The following DNAJC1 variants were observed in gnomAD, a reference collection of about 807,000 sequenced individuals.
DNAJC1 encodes the protein dnaJ homolog subfamily C member 1.
A neutral mutation model predicts 76.6 loss-of-function variants in DNAJC1; 58 were observed. That is an observed-to-expected ratio of 0.76 (90% CI 0.61 to 0.94). DNAJC1 has a LOEUF of 0.94. Ranked by LOEUF, DNAJC1 falls within the 40% of genes least tolerant of loss-of-function variation. DNAJC1 has a pLI of 0.00. For synonymous variants in DNAJC1, 258 were observed against 267.9 expected (o/e 0.96, Z 0.36); for missense variants, 689 against 677.3 (o/e 1.02, Z -0.19).
intron 1 of DNAJC1, among the ~76,000 whole-genome samples, chr10:21,989,789 C>T (rs1838301069): frequency 6.6e-6 from 1 of 152,054 alleles, no homozygotes; most frequent in South Asian, 2.1e-4. Flanking sequence ...GAGCCCTAAG[C>T]CACCTATATA....
chr10:21,769,271 G>C (rs1192034821), intron 9 of DNAJC1, among the ~76,000 whole-genome samples: 1 of 152,102 alleles, frequency 6.6e-6, no homozygotes, highest in Non-Finnish European at 1.5e-5. Context: ...CGCAACAATG[G>C]ATCCTCAGAT....
intron 8 of DNAJC1, among the ~76,000 whole-genome samples, chr10:21,825,580 T>C (rs567356511): frequency 6.6e-6 from 1 of 152,348 alleles, no homozygotes; most frequent in East Asian, 1.9e-4. Context: ...GGTAACTCTA[T>C]GTTTAACTTT....
At chr10:21,776,089 A>C (rs1834451687) in intron 9 of DNAJC1, among the ~76,000 whole-genome samples, 1 of 152,196 alleles carries the variant, frequency 6.6e-6, no homozygotes, top group African/African-American at 2.4e-5. Flanking sequence ...GAATGAAAAA[A>C]AACTAAAATA....
At chr10:21,956,497 A>T (rs528423618) in intron 1 of DNAJC1, among the ~76,000 whole-genome samples, 1 of 152,054 alleles carries the variant, frequency 6.6e-6, no homozygotes, top group African/African-American at 2.4e-5. Context: ...ATTATTTTCA[A>T]GAGTGCTGCT....
intron 6 of DNAJC1, among the ~76,000 whole-genome samples, chr10:21,905,334 C>A (rs933890441): frequency 1.3e-5 from 2 of 151,638 alleles, no homozygotes; most frequent in Non-Finnish European, 2.9e-5. Flanking sequence ...CATATGAGAT[C>A]CCGACAATGA....
chr10:21,975,723 T>A (rs558502090), intron 1 of DNAJC1, among the ~76,000 whole-genome samples: 2 of 152,368 alleles, frequency 1.3e-5, no homozygotes, highest in Non-Finnish European at 2.9e-5. Context: ...CATGTATTGA[T>A]GAATTCTGCA....
At chr10:21,807,547 C>T (rs1317067698) in intron 8 of DNAJC1, among the ~76,000 whole-genome samples, 1 of 152,234 alleles carries the variant, frequency 6.6e-6, no homozygotes, top group Non-Finnish European at 1.5e-5. Context: ...CATTTGCATT[C>T]ATTTGCAAAG....
chr10:21,924,646 C>T (rs1837093485), intron 3 of DNAJC1, among the ~76,000 whole-genome samples: 1 of 152,132 alleles, frequency 6.6e-6, no homozygotes, highest in South Asian at 2.1e-4. Flanking sequence ...GAGAAGGCTG[C>T]TAAGCTAGGT....
chr10:21,831,644 G>C (rs1311016702), intron 8 of DNAJC1, among the ~76,000 whole-genome samples: 1 of 152,012 alleles, frequency 6.6e-6, no homozygotes, highest in Non-Finnish European at 1.5e-5. Context: ...CAAAATATTA[G>C]CCAGGCATGG....
At chr10:21,828,526 C>T (rs1490905958) in intron 8 of DNAJC1, among the ~76,000 whole-genome samples, 2 of 152,176 alleles carry the variant, frequency 1.3e-5, no homozygotes, top group African/African-American at 4.8e-5. Flanking sequence ...TGAATACATA[C>T]TTGATTATGA....
chr10:21,837,103 G>A (rs534062465), intron 8 of DNAJC1, among the ~76,000 whole-genome samples: 7 of 152,356 alleles, frequency 4.6e-5, no homozygotes, highest in African/African-American at 1.7e-4. Flanking sequence ...GGTGGAGATG[G>A]GGTTTCGCTG....
intron 1 of DNAJC1, among the ~76,000 whole-genome samples, chr10:21,969,011 G>A (rs893420249): frequency 1.3e-5 from 2 of 152,022 alleles, no homozygotes; most frequent in Non-Finnish European, 2.9e-5. Context: ...ATCACTTGAG[G>A]TCAGGAATTC....
rs1239226954 is a variant in DNAJC1, at chr10:21,969,600, G to A, written c.222+33613C>T. Among the ~76,000 whole-genome samples the A allele has an allele frequency of 2.6e-5, 4 of 152,112 alleles. No individual in the cohort carries two copies. In the East Asian group the frequency reaches 5.8e-4, roughly 22 times the overall value. On this transcript the variant is annotated intron_variant, in intron 1 of 11. Coordinates refer to ENST00000376980, the MANE Select transcript of DNAJC1 (RefSeq NM_022365.4). ...TTTTCATTTTCAGGTATGTACAAGC[G>A]TTATAAATAATATAATCTATGTCTT...
intron 9 of DNAJC1, among the ~76,000 whole-genome samples, chr10:21,782,697 T>G (rs1302662740): frequency 1.3e-5 from 2 of 152,182 alleles, no homozygotes; most frequent in Non-Finnish European, 1.5e-5. Context: ...AAAAAGCTTA[T>G]CCACCATGAT....
chr10:21,937,109 T>C (rs540833974), intron 1 of DNAJC1, among the ~76,000 whole-genome samples: 1 of 152,246 alleles, frequency 6.6e-6, no homozygotes, highest in African/African-American at 2.4e-5. Flanking sequence ...TTTTTCATGC[T>C]ATAATGAAAC....
intron 8 of DNAJC1, among the ~76,000 whole-genome samples, chr10:21,829,476 A>G (rs757790850): frequency 3.3e-5 from 5 of 152,092 alleles, no homozygotes; most frequent in Middle Eastern, 3.4e-3. Context: ...TCGGCCTCCC[A>G]AAGTGCTGGG....
Position 21,918,850 on chromosome 10 carries a change from G to A in DNAJC1, c.658C>T (p.His220Tyr). 2 of 1,613,052 alleles carry A rather than the reference G, an allele frequency of 1.2e-6. No homozygotes were observed. Among genetic ancestry groups the A allele is most frequent in the South Asian group, 2.2e-5 (2 of 91,048 alleles). Residue 220 changes from histidine to tyrosine, a missense_variant, in exon 6 of 12, where the codon CAT becomes TAT. Physicochemically the swap from His to Tyr is moderately conservative, Grantham distance 83 (BLOSUM62 2). Coordinates refer to ENST00000376980, the MANE Select transcript of DNAJC1 (RefSeq NM_022365.4). Reference sequence around the variant, plus strand: ...CCCAGTTTGCATGGAAGCAAATCATGCCACTGTGGTTTCATCAGCAATCTA... The same window carrying A: ...CCCAGTTTGCATGGAAGCAAATCATACCACTGTGGTTTCATCAGCAATCTA... ...NERLLMKPQWHDLLPCKLGIW... is the reference protein window; with the variant it reads ...NERLLMKPQWYDLLPCKLGIW...
intron 1 of DNAJC1, among the ~76,000 whole-genome samples, chr10:21,936,015 A>G (rs1837306131): frequency 6.6e-6 from 1 of 152,212 alleles, no homozygotes; most frequent in Non-Finnish European, 1.5e-5. Context: ...CAAAGAAATA[A>G]AAAACACTGG....
chr10:21,806,536 G>A (rs1449957087), intron 8 of DNAJC1, among the ~76,000 whole-genome samples: 2 of 150,482 alleles, frequency 1.3e-5, no homozygotes, highest in Admixed American at 1.3e-4. Context: ...ACACTTTAAA[G>A]AAAGCAAAAA....
Sources: gnomAD v4.1 joint callset for allele counts (sites outside exome capture counted in the v4.1 genomes callset) on GRCh38, gnomAD v4.1.1 for gene constraint, MANE v1.5 for transcripts, NCBI Gene and HGNC (gene_info 2026-07-23, HGNC 2026-07-21) for gene names.